NPAS3: variants seen among roughly 807,000 people sequenced by gnomAD.
The protein encoded by NPAS3 is neuronal PAS domain-containing protein 3.
Under a neutral mutation model 73.1 loss-of-function variants are expected in NPAS3, and 14 were observed. The observed-to-expected ratio is 0.19, with a 90% CI of 0.13 to 0.30. NPAS3 has a LOEUF of 0.30. Among genes scored for constraint, NPAS3 ranks in the 10% least tolerant of loss-of-function variants. The probability of loss-of-function intolerance (pLI) is 1.00; values close to 1 mark genes in which losing one functional copy is unlikely to be tolerated. For missense variants in NPAS3, 1,096 were observed against 1,250.0 expected, an observed-to-expected ratio of 0.88 and a Z score of 1.86; for synonymous variants, 620 against 541.5, an observed-to-expected ratio of 1.14 and a Z score of -2.01.
At chr14:32,957,918 G>A (rs2036746991) in intron 1 of NPAS3, among the ~76,000 whole-genome samples, 1 of 152,102 alleles carries the variant, frequency 6.6e-6, no homozygotes, top group African/African-American at 2.4e-5. Context: ...ACATTTTGTA[G>A]CATAAGTGTA....
At chr14:33,799,149 A>G (rs184500084) in intron 11 of NPAS3, among the ~76,000 whole-genome samples, 1 of 152,162 alleles carries the variant, frequency 6.6e-6, no homozygotes, top group Non-Finnish European at 1.5e-5. Context: ...TGCCAAAAAT[A>G]ATAATAATAA....
chr14:33,623,985 C>A (rs2058153744), intron 5 of NPAS3, among the ~76,000 whole-genome samples: 1 of 152,200 alleles, frequency 6.6e-6, no homozygotes, highest in Non-Finnish European at 1.5e-5. Context: ...ATCGCTTGTT[C>A]TCCTTTTCGA....
chr14:33,170,728 G>C (rs767403970), intron 2 of NPAS3, among the ~76,000 whole-genome samples: 26 of 152,190 alleles, frequency 1.7e-4, no homozygotes, highest in Admixed American at 5.2e-4. Flanking sequence ...CTCCTCATCT[G>C]TTTAAGTGTG....
intron 1 of NPAS3, among the ~76,000 whole-genome samples, chr14:32,980,534 G>T (rs1367949706): frequency 6.6e-6 from 1 of 152,114 alleles, no homozygotes; most frequent in African/African-American, 2.4e-5. Flanking sequence ...GTAATGAGCT[G>T]TAAATTAGAA....
At chr14:32,966,089 T>G (rs1189910845) in intron 1 of NPAS3, among the ~76,000 whole-genome samples, 2 of 152,090 alleles carry the variant, frequency 1.3e-5, no homozygotes, top group Non-Finnish European at 2.9e-5. Context: ...TGTTAATGGA[T>G]TGGAAGAATT....
At chr14:33,683,221 A>C (rs770314150) in intron 6 of NPAS3, among the ~76,000 whole-genome samples, 1 of 152,060 alleles carries the variant, frequency 6.6e-6, no homozygotes, top group Non-Finnish European at 1.5e-5. Context: ...CTCAGTTTAT[A>C]TGCAGCATTC....
Position 33,743,841 on chromosome 14 carries a change from G to A in NPAS3, c.852+8509G>A, listed in dbSNP as rs1475877978. Among the ~76,000 whole-genome samples, 4 of 152,214 alleles carry A rather than the reference G, an allele frequency of 2.6e-5. No homozygotes were observed. In the East Asian group the frequency reaches 5.8e-4, roughly 22 times the overall value. On this transcript the variant is annotated intron_variant, in intron 7 of 11. Transcript: ENST00000356141. ...GCTTCATCTTGCACTTTTATGTTAT[G>A]GAGATGGCTTCTTTCCTCAAACCTC...
rs545018465 is a variant in NPAS3, at chr14:33,391,534, A to G, written c.468+24266A>G. On this transcript the variant is annotated intron_variant, in intron 4 of 11. Coordinates refer to ENST00000356141, the Ensembl canonical transcript of NPAS3. ...TCACTACCAACGTTACTGATTTTAT[A>G]TTTCATTCAGGCTCAGCCTATCTCA... Among the ~76,000 whole-genome samples, 30 of 152,248 alleles carry G rather than the reference A, an allele frequency of 2.0e-4. 1 individual carries two copies. In the South Asian group the frequency reaches 6.0e-3, roughly 31 times the overall value.
intron 1 of NPAS3, among the ~76,000 whole-genome samples, chr14:32,946,204 C>G (rs139235182): frequency 6.6e-6 from 1 of 152,220 alleles, no homozygotes; most frequent in Non-Finnish European, 1.5e-5. Flanking sequence ...TATATAGCAT[C>G]GTGTGCTAAT....
intron 5 of NPAS3, among the ~76,000 whole-genome samples, chr14:33,582,514 C>T (rs1286249019): frequency 6.6e-6 from 1 of 152,112 alleles, no homozygotes; most frequent in Non-Finnish European, 1.5e-5. Flanking sequence ...CTATAATATT[C>T]CATGTTTATG....
At position 33,052,261 on chromosome 14, in the gene NPAS3, G is replaced by T. The variant is rs144940529; in HGVS notation, c.51-3644G>T. On this transcript the variant is annotated intron_variant, in intron 1 of 11. Transcript: ENST00000356141. ...TAAATTTTAAATATTTCTAAGCATGGGATTAAAAACAGCAGTGCAATCCTT... is the reference window on the plus strand; with the variant it reads ...TAAATTTTAAATATTTCTAAGCATGTGATTAAAAACAGCAGTGCAATCCTT... 6.8e-4 allele frequency among the ~76,000 whole-genome samples: 103 copies of T among 152,130 alleles called. 1 individual carries two copies. The highest frequency in any genetic ancestry group is 2.4e-3 in the African/African-American group (98 of 41,514).
intron 1 of NPAS3, among the ~76,000 whole-genome samples, chr14:33,043,192 A>G (rs2040400500): frequency 6.6e-6 from 1 of 152,172 alleles, no homozygotes; most frequent in South Asian, 2.1e-4. Flanking sequence ...ATAAGAACAC[A>G]TTTCTAAATA....
At chr14:32,936,038 T>C (rs920122881), upstream of NPAS3, among the ~76,000 whole-genome samples, 1 of 152,268 alleles carries the variant, frequency 6.6e-6, no homozygotes, top group African/African-American at 2.4e-5. Flanking sequence ...TAACTTAAAA[T>C]ATACACAATG....
intron 2 of NPAS3, among the ~76,000 whole-genome samples, chr14:33,208,631 A>C (rs2046919636): frequency 6.6e-6 from 1 of 152,156 alleles, no homozygotes; most frequent in Admixed American, 6.5e-5. Flanking sequence ...TTAAGCAATC[A>C]ATTTCATATT....
chr14:33,778,648 AT>A, intron 9 of NPAS3, 76 bp downstream of exon 9: 4 of 936,280 alleles, frequency 4.3e-6, no homozygotes, highest in Non-Finnish European at 3.5e-6. Flanking sequence ...TTCAGTGCTG[AT>A]TTTTCCCTTC....
intron 1 of NPAS3, among the ~76,000 whole-genome samples, chr14:32,959,522 GATTTT>G (rs1160301541): frequency 4.6e-5 from 7 of 152,122 alleles, no homozygotes; most frequent in Non-Finnish European, 7.4e-5. Context: ...CATATACTTT[GATTTT>G]ATTTTATTTT....
At chr14:33,751,654 A>G (rs1342133824) in intron 7 of NPAS3, among the ~76,000 whole-genome samples, 1 of 152,224 alleles carries the variant, frequency 6.6e-6, no homozygotes, top group East Asian at 1.9e-4. Context: ...TCCCTTGAAT[A>G]TACCATTTAG....
chr14:33,088,276 T>TCCCTTTCCTAGCCAAGGGAAGC (rs1199419605), intron 2 of NPAS3, among the ~76,000 whole-genome samples: 1,553 of 152,226 alleles, frequency 0.01, 25 homozygotes, highest in African/African-American at 0.036. Context: ...GTCAGGGAAT[T>TCCCTTTCCTAGCCAAGGGAAGC]CCCTTTCCTA....
chr14:33,279,117 C>T (rs893829594), intron 3 of NPAS3, among the ~76,000 whole-genome samples: 1 of 152,154 alleles, frequency 6.6e-6, no homozygotes, highest in Non-Finnish European at 1.5e-5. Context: ...CTCAGGGTTG[C>T]TGATTCAGTA....
Sources: gnomAD v4.1 joint callset for allele counts (sites outside exome capture counted in the v4.1 genomes callset) on GRCh38, gnomAD v4.1.1 for gene constraint, MANE v1.5 for transcripts, NCBI Gene and HGNC (gene_info 2026-07-23, HGNC 2026-07-21) for gene names.